EXPH5: variants seen among roughly 807,000 people sequenced by gnomAD.
The protein encoded by EXPH5 is exophilin-5.
Under a neutral mutation model 41.1 loss-of-function variants are expected in EXPH5, and 42 were observed. The observed-to-expected ratio is 1.02, with a 90% CI of 0.80 to 1.32. The LOEUF (loss-of-function observed/expected upper bound fraction) is 1.32, where lower values mean the gene tolerates loss of function less well. Among genes scored for constraint, EXPH5 ranks in the 40% most tolerant of loss-of-function variants. EXPH5 has a pLI of 0.00. For missense variants in EXPH5, 2,298 were observed against 2,314.5 expected (o/e 0.99, Z 0.15); for synonymous variants, 798 against 833.5 (o/e 0.96, Z 0.73).
At position 108,541,852 on chromosome 11, in the gene EXPH5, T is replaced by G. The variant is rs781285400; in HGVS notation, c.120-40A>C. On this transcript the variant is annotated intron_variant, in intron 1 of 5. Transcript: ENST00000265843. ...AACATTAATGTGGTCTTTATTTATT[T>G]TCTTAACATCAAGCTCATCCTTAAA... 4.8e-6 allele frequency: 7 copies of G among 1,468,184 alleles called. No individual in the cohort carries two copies. In the South Asian group the frequency reaches 9.0e-5, roughly 19 times the overall value. 90.9% of individuals were successfully genotyped at this position (1,468,184 alleles called of 1,614,324 possible).
At chr11:108,566,601 C>G (rs560133536) in intron 1 of EXPH5, among the ~76,000 whole-genome samples, 2 of 152,138 alleles carry the variant, frequency 1.3e-5, no homozygotes, top group South Asian at 4.2e-4. Context: ...GCCTATAATT[C>G]TAGCATTTTG....
rs1340470044 is a variant in EXPH5 at position 108,508,036 on chromosome 11, A to T, written c.*1501T>A. On this transcript the variant is annotated 3_prime_UTR_variant, in exon 6 of 6. Coordinates refer to ENST00000265843, the MANE Select transcript of EXPH5 (RefSeq NM_015065.3). ...AAAAAAAAAAAAAAAAAAATTAGCC[A>T]GGTGTGGTGGTGGGTGCCTGTAGTC... The T allele has an allele frequency of 7.5e-6, 1 of 133,708 alleles. No individual in the cohort carries two copies. Among genetic ancestry groups the T allele is most frequent in the African/African-American group, 2.7e-5 (1 of 36,612 alleles). The allele number at this position is 133,708 out of a possible 1,614,324, so 8.3% of individuals were successfully genotyped here.
intron 1 of EXPH5, 62 bp from the exon 2 acceptor site, chr11:108,541,874 TA>T (rs2093914937): frequency 7.4e-7 from 1 of 1,345,272 alleles, no homozygotes; most frequent in Admixed American, 2.4e-5. Flanking sequence ...AGCTCATCCT[TA>T]AATCAATGTA....
intron 4 of EXPH5, 151 bp downstream of exon 4, chr11:108,527,985 T>C: frequency 3.5e-6 from 2 of 579,706 alleles, no homozygotes; most frequent in Non-Finnish European, 3.1e-6. Context: ...CCAAATATAA[T>C]TGGGAAAATT....
chr11:108,601,208 G>T, the EXPH5 span, among the ~76,000 whole-genome samples: 1 of 152,162 alleles, frequency 6.6e-6, no homozygotes, highest in Non-Finnish European at 1.5e-5. Context: ...TAATTATTGT[G>T]CAGATCAAAA....
At chr11:108,538,011 A>G (rs2136020792) in intron 3 of EXPH5, 2 of 985,448 alleles carry the variant, frequency 2.0e-6, no homozygotes, top group Non-Finnish European at 2.4e-6. Context: ...CTACAGTCAC[A>G]TAAATCTACA....
intron 4 of EXPH5, among the ~76,000 whole-genome samples, chr11:108,520,538 T>C (rs909094498): frequency 6.7e-6 from 1 of 149,614 alleles, no homozygotes; most frequent in Non-Finnish European, 1.5e-5. Flanking sequence ...ACTAAATTTG[T>C]TTTCCTTTAT....
At chr11:108,563,893 T>A (rs1385384445) in intron 1 of EXPH5, among the ~76,000 whole-genome samples, 1 of 152,172 alleles carries the variant, frequency 6.6e-6, no homozygotes, top group South Asian at 2.1e-4. Context: ...CCGTATGTTC[T>A]AATTATCTCT....
chr11:108,511,418 A>C lies in EXPH5; in HGVS notation c.4089T>G (p.Ala1363=). The C allele has an allele frequency of 1.3e-6, 2 of 1,591,064 alleles. No homozygotes were observed. The highest frequency in any genetic ancestry group is 1.7e-6 in the Non-Finnish European group (2 of 1,171,606). Residue 1363 remains alanine, a synonymous_variant, in exon 6 of 6, where the codon GCT becomes GCG. Transcript: ENST00000265843. ...AVSLPEEESK[A]REIFSDNLAK... ...CTAAATTATCTGAAAAAATCTCTCT[A>C]GCTTTAGATTCCTCTTCAGGAAGAG...
intron 3 of EXPH5, among the ~76,000 whole-genome samples, chr11:108,536,996 T>A (rs2093884046): frequency 6.6e-6 from 1 of 152,176 alleles, no homozygotes; most frequent in South Asian, 2.1e-4. Context: ...CCCTGGGCCA[T>A]TAGTCAGTCC....
At chr11:108,548,114 A>G (rs1487020490) in intron 1 of EXPH5, among the ~76,000 whole-genome samples, 3 of 37,022 alleles carry the variant, frequency 8.1e-5, no homozygotes, top group Non-Finnish European at 3.1e-4. Flanking sequence ...ATCTTTAAAA[A>G]AAAAAAAAAA....
intron 4 of EXPH5, among the ~76,000 whole-genome samples, chr11:108,524,397 T>A (rs2093784844): frequency 6.6e-6 from 1 of 152,230 alleles, no homozygotes. Flanking sequence ...CTGCTACTAT[T>A]CTTTTGTGGT....
chr11:108,597,849 C>T (rs2094140890), upstream of EXPH5, among the ~76,000 whole-genome samples: 1 of 152,138 alleles, frequency 6.6e-6, no homozygotes, highest in African/African-American at 2.4e-5. Context: ...ACCACAAAAA[C>T]TATTAGAACT....
chr11:108,560,529 T>C (rs1178320708), intron 1 of EXPH5, among the ~76,000 whole-genome samples: 1 of 152,268 alleles, frequency 6.6e-6, no homozygotes, highest in Non-Finnish European at 1.5e-5. Flanking sequence ...TGAGCATTCC[T>C]CTTGAATCCT....
At position 108,510,055 on chromosome 11, in the gene EXPH5, G is replaced by C; in HGVS notation, c.5452C>G (p.Arg1818Gly). 4.3e-6 allele frequency: 7 copies of C among 1,611,096 alleles called. No homozygotes were observed. Among genetic ancestry groups the C allele is most frequent in the Non-Finnish European group, 5.1e-6 (6 of 1,179,010 alleles). Reference sequence around the variant, plus strand: ...ATAGAAGTGCTTTCAGAAAAATGGCGCTCCCTGACTTTTGGAGGATGGCTT... The same window carrying C: ...ATAGAAGTGCTTTCAGAAAAATGGCCCTCCCTGACTTTTGGAGGATGGCTT... ...RKSHPPKVRE[R>G]HFSESTSIDN... The change falls in exon 6 of 6, where the codon CGC (arginine) becomes GGC (glycine). Residue 1818 changes from arginine to glycine, a missense_variant. Transcript: ENST00000265843.
chr11:108,605,964 T>C, the EXPH5 span, among the ~76,000 whole-genome samples: 1 of 152,220 alleles, frequency 6.6e-6, no homozygotes, highest in Non-Finnish European at 1.5e-5. Context: ...GAAATATTTC[T>C]TTCAGCATAT....
chr11:108,554,787 G>A (rs1378409034), intron 1 of EXPH5, among the ~76,000 whole-genome samples: 1 of 152,124 alleles, frequency 6.6e-6, no homozygotes, highest in Non-Finnish European at 1.5e-5. Flanking sequence ...AGCCGGGCGT[G>A]GTGGCGCACT....
chr11:108,549,927 C>G (rs141230688), intron 1 of EXPH5, among the ~76,000 whole-genome samples: 329 of 152,292 alleles, frequency 2.2e-3, no homozygotes, highest in Middle Eastern at 3.4e-3. Context: ...TACCTCTTTC[C>G]TAGTGGTTGT....
chr11:108,556,500 T>G (rs1425558701), intron 1 of EXPH5, among the ~76,000 whole-genome samples: 2 of 152,116 alleles, frequency 1.3e-5, no homozygotes, highest in Admixed American at 6.5e-5. Flanking sequence ...TGAGATGGAG[T>G]CTTGCTCTGT....
Sources: gnomAD v4.1 joint callset for allele counts (sites outside exome capture counted in the v4.1 genomes callset) on GRCh38, gnomAD v4.1.1 for gene constraint, MANE v1.5 for transcripts, NCBI Gene and HGNC (gene_info 2026-07-23, HGNC 2026-07-21) for gene names.